CNTLN: variants seen among roughly 807,000 people sequenced by gnomAD.
CNTLN encodes centlein, centrosomal protein.
Under a neutral mutation model 180.0 loss-of-function variants are expected in CNTLN, and 212 were observed. The observed-to-expected ratio is 1.18, with a 90% CI of 1.05 to 1.32. CNTLN has a LOEUF of 1.32. CNTLN is among the 40% of genes most tolerant of loss of function. The pLI is 0.00. For synonymous variants in CNTLN, 722 were observed against 563.1 expected, an observed-to-expected ratio of 1.28 and a Z score of -3.99; for missense variants, 2,095 against 1,610.9, an observed-to-expected ratio of 1.30 and a Z score of -5.14.
rs928872662 is a variant in CNTLN at position 17,273,870 on chromosome 9, A to C, written c.983+4A>C. The C allele has an allele frequency of 4.1e-5, 63 of 1,537,522 alleles. No individual in the cohort carries two copies. Among genetic ancestry groups the C allele is most frequent in the Non-Finnish European group, 5.2e-5 (60 of 1,146,994 alleles). On this transcript the variant is annotated splice_donor_region_variant and intron_variant, in intron 6 of 25. Transcript: ENST00000380647. ...ATATGGATATTACCCTGGTCAGGCAAGTATATTCAATTTTTAATTTAACAT... is the reference window on the plus strand; with the variant it reads ...ATATGGATATTACCCTGGTCAGGCACGTATATTCAATTTTTAATTTAACAT...
At position 17,135,127 on chromosome 9, in the gene CNTLN, G is replaced by C; in HGVS notation, c.62G>C (p.Arg21Thr). 1 of 1,607,282 alleles carries C rather than the reference G, an allele frequency of 6.2e-7. No individual in the cohort carries two copies. The highest frequency in any genetic ancestry group is 2.2e-5 in the East Asian group (1 of 44,670). Residue 21 changes from arginine (R) to threonine (T), a missense_variant, in exon 1 of 26, where the codon AGG becomes ACG. Transcript: ENST00000380647. ...CCCCCAGCGCGACAGCTGGGCCCCA[G>C]GTCCCCACGTGTTGGGCGGGGAGCT... ...PSPPARQLGP[R>T]SPRVGRGAEV... is the part of the protein sequence containing the mutation.
chr9:17,366,882 A>G (rs1451199886), intron 13 of CNTLN, among the ~76,000 whole-genome samples, 165 bp downstream of exon 13: 4 of 152,228 alleles, frequency 2.6e-5, no homozygotes, highest in African/African-American at 7.2e-5. Context: ...AATTAAATAA[A>G]TAGAACATCT....
chr9:17,488,913 C>T (rs1204117591), intron 25 of CNTLN, among the ~76,000 whole-genome samples: 1 of 152,120 alleles, frequency 6.6e-6, no homozygotes, highest in Non-Finnish European at 1.5e-5. Flanking sequence ...ACGTAATGAA[C>T]TGCATCATGT....
intron 2 of CNTLN, among the ~76,000 whole-genome samples, chr9:17,171,016 T>C (rs1820388775): frequency 6.6e-6 from 1 of 152,206 alleles, no homozygotes; most frequent in African/African-American, 2.4e-5. Context: ...CTATATCATT[T>C]AGGTTTATGT....
At chr9:17,280,299 C>G (rs148380540) in intron 6 of CNTLN, among the ~76,000 whole-genome samples, 1 of 152,128 alleles carries the variant, frequency 6.6e-6, no homozygotes, top group African/African-American at 2.4e-5. Context: ...GTCCTTAATT[C>G]CCTTTGATCT....
intron 5 of CNTLN, among the ~76,000 whole-genome samples, chr9:17,247,162 C>CA (rs1223876042): frequency 6.6e-6 from 1 of 152,142 alleles, no homozygotes; most frequent in Admixed American, 6.6e-5. Flanking sequence ...ACATGCACCT[C>CA]ACGTCCACTG....
chr9:17,226,304 A>G lies in CNTLN; in HGVS notation c.534+17A>G. The G allele has an allele frequency of 7.4e-7, 1 of 1,353,690 alleles. No homozygotes were observed. The highest frequency in any genetic ancestry group is 1.0e-6 in the Non-Finnish European group (1 of 995,814). 83.9% of individuals were successfully genotyped at this position (1,353,690 alleles called of 1,614,324 possible). A position where few individuals can be genotyped will look rare whatever the true frequency, so the allele number is the denominator to read the frequency against. On this transcript the variant is annotated intron_variant, in intron 3 of 25. Coordinates refer to ENST00000380647, the MANE Select transcript of CNTLN (RefSeq NM_017738.4). ...TTTGAACAGGTTGGTGTTATAATAA[A>G]AATATTTAAATTAACTATATTTGTT...
At chr9:17,387,350 G>A (rs1430625658) in intron 13 of CNTLN, among the ~76,000 whole-genome samples, 1 of 152,010 alleles carries the variant, frequency 6.6e-6, no homozygotes, top group South Asian at 2.1e-4. Context: ...CTTAAGAAAT[G>A]TTATATTCCA....
At chr9:17,137,053 ACAGC>A (rs1817767899) in intron 1 of CNTLN, among the ~76,000 whole-genome samples, 1 of 152,184 alleles carries the variant, frequency 6.6e-6, no homozygotes, top group Admixed American at 6.5e-5. Flanking sequence ...TCTATTGGAA[ACAGC>A]CTGATGAACC....
rs773972748 is a variant in CNTLN at position 17,409,311 on chromosome 9, G to C, written c.2634G>C (p.Gln878His). The C allele has an allele frequency of 6.2e-6, 10 of 1,612,410 alleles. No homozygotes were observed. The highest frequency in any genetic ancestry group is 8.5e-6 in the Non-Finnish European group (10 of 1,179,444). The change falls in exon 16 of 26, where the codon CAG becomes CAC. Residue 878 changes from glutamine (Q) to histidine (H), a missense_variant. By Grantham distance (24) the Gln-to-His change is conservative. Coordinates refer to ENST00000380647, the MANE Select transcript of CNTLN (RefSeq NM_017738.4). ...TAAAAAGCAGTGATTCTGAAGCACA[G>C]ACCTCTCAAACTTTGGGAACAATTA... ...VSESSSDSEA[Q>H]TSQTLGTIIV... is the part of the protein sequence containing the mutation.
intron 7 of CNTLN, among the ~76,000 whole-genome samples, chr9:17,307,512 TGCCCATCTCG>T (rs2132890363): frequency 6.6e-6 from 1 of 152,220 alleles, no homozygotes; most frequent in South Asian, 2.1e-4. Context: ...TCAGGTGATC[TGCCCATCTCG>T]GCCTCCCAAA....
intron 8 of CNTLN, among the ~76,000 whole-genome samples, chr9:17,314,009 C>A (rs555538812): frequency 6.6e-6 from 1 of 152,170 alleles, no homozygotes; most frequent in African/African-American, 2.4e-5. Context: ...GCTAGGATTA[C>A]AGGCGTGAGC....
Position 17,187,805 on chromosome 9 carries a change from A to G in CNTLN, c.450-38398A>G, listed in dbSNP as rs369505371. Among the ~76,000 whole-genome samples the G allele has an allele frequency of 7.7e-4, 117 of 151,616 alleles. 2 individuals are homozygous for G. The South Asian group carries it at 0.023, about 30-fold the overall frequency. ...TTTGAACATAAGTCTTTGCTTGAAAATCTTGAGTCCAATATTGGAACTTTA... is the reference window on the plus strand; with the variant it reads ...TTTGAACATAAGTCTTTGCTTGAAAGTCTTGAGTCCAATATTGGAACTTTA... On this transcript the variant is annotated intron_variant, in intron 2 of 25. Transcript: ENST00000380647.
intron 16 of CNTLN, among the ~76,000 whole-genome samples, chr9:17,412,060 C>T (rs1425132397): frequency 6.9e-6 from 1 of 144,128 alleles, no homozygotes; most frequent in Non-Finnish European, 1.5e-5. Context: ...CAGTGGGGAA[C>T]ATTAACTAAG....
At chr9:17,304,481 T>C (rs1054642768) in intron 7 of CNTLN, among the ~76,000 whole-genome samples, 1 of 152,172 alleles carries the variant, frequency 6.6e-6, no homozygotes, top group Admixed American at 6.5e-5. Context: ...TTTTGGTCTA[T>C]TTAGTGACAA....
chr9:17,383,782 C>T (rs1056688545), intron 13 of CNTLN, among the ~76,000 whole-genome samples: 6 of 151,684 alleles, frequency 4.0e-5, no homozygotes, highest in Admixed American at 6.6e-5. Context: ...GGACTACAGG[C>T]GCCTGCCACC....
the CNTLN span, among the ~76,000 whole-genome samples, chr9:17,519,961 C>T: frequency 6.6e-6 from 1 of 152,150 alleles, no homozygotes; most frequent in Non-Finnish European, 1.5e-5. Flanking sequence ...GGCAGTGCAG[C>T]CAGCCTTCTC....
At chr9:17,345,422 C>A (rs980411651) in intron 12 of CNTLN, among the ~76,000 whole-genome samples, 1 of 151,940 alleles carries the variant, frequency 6.6e-6, no homozygotes, top group African/African-American at 2.4e-5. Flanking sequence ...TTATTTATTT[C>A]CTGTTTGTTT....
At chr9:17,158,374 T>G (rs532986074) in intron 2 of CNTLN, among the ~76,000 whole-genome samples, 215 of 152,282 alleles carry the variant, frequency 1.4e-3, no homozygotes, top group African/African-American at 4.9e-3. Context: ...TCTTTGCTTT[T>G]TATATGAGGA....
Sources: gnomAD v4.1 joint callset for allele counts (sites outside exome capture counted in the v4.1 genomes callset) on GRCh38, gnomAD v4.1.1 for gene constraint, MANE v1.5 for transcripts, NCBI Gene and HGNC (gene_info 2026-07-23, HGNC 2026-07-21) for gene names.